Variants in MTHFD2L observed in about 807,000 individuals in gnomAD.
MTHFD2L encodes bifunctional methylenetetrahydrofolate dehydrogenase/cyclohydrolase 2, mitochondrial.
In MTHFD2L, 29 loss-of-function variants were observed where a neutral mutation model predicts 34.9. The ratio of observed to expected loss-of-function variants is 0.83; its 90% CI spans 0.62 to 1.13. MTHFD2L has a LOEUF of 1.13. Ranked by LOEUF, MTHFD2L falls within the 50% of genes most tolerant of loss-of-function variation. MTHFD2L has a pLI of 0.00. For synonymous variants in MTHFD2L, 167 were observed against 155.7 expected (o/e 1.07, Z -0.54); for missense variants, 481 against 446.5 (o/e 1.08, Z -0.70).
chr4:74,173,046 TCTG>T (rs1728334563), intron 1 of MTHFD2L, among the ~76,000 whole-genome samples: 1 of 152,144 alleles, frequency 6.6e-6, no homozygotes. Context: ...CTCTTTCTCT[TCTG>T]CTTCTTACTC....
At chr4:74,280,392 T>C (rs529088782) in intron 6 of MTHFD2L, 1 of 152,236 alleles carries the variant, frequency 6.6e-6, no homozygotes, top group East Asian at 1.9e-4. Context: ...TGTGTTCCAG[T>C]TGACAGCCTT....
chr4:74,224,009 C>T (rs1361229156), intron 5 of MTHFD2L: 3 of 152,044 alleles, frequency 2.0e-5, no homozygotes, highest in African/African-American at 7.2e-5. Flanking sequence ...TATTACTCAT[C>T]ATTGAATGAG....
At chr4:74,145,184 C>A (rs1235345146) in intron 1 of MTHFD2L, among the ~76,000 whole-genome samples, 2 of 150,088 alleles carry the variant, frequency 1.3e-5, no homozygotes, top group Non-Finnish European at 3.0e-5. Context: ...AAACCCAAAT[C>A]ATTCTGTATT....
intron 1 of MTHFD2L, among the ~76,000 whole-genome samples, chr4:74,164,168 G>T (rs1578304031): frequency 6.6e-6 from 1 of 152,194 alleles, no homozygotes; most frequent in Non-Finnish European, 1.5e-5. Context: ...GAGCCACCAT[G>T]CCTGGCCAGG....
intron 3 of MTHFD2L, among the ~76,000 whole-genome samples, chr4:74,178,290 T>C (rs1447767120): frequency 3.9e-5 from 6 of 152,130 alleles, no homozygotes; most frequent in Non-Finnish European, 7.4e-5. Flanking sequence ...TCATAATGTA[T>C]ACATATGTCA....
upstream of MTHFD2L, among the ~76,000 whole-genome samples, chr4:74,156,224 A>T (rs919825332): frequency 6.6e-6 from 1 of 152,140 alleles, no homozygotes; most frequent in African/African-American, 2.4e-5. Flanking sequence ...TCTGTGCTAC[A>T]CACTATTCAA....
chr4:74,209,435 A>G (rs1735923427), intron 5 of MTHFD2L, among the ~76,000 whole-genome samples: 1 of 152,178 alleles, frequency 6.6e-6, no homozygotes, highest in South Asian at 2.1e-4. Context: ...ATGAATGGGA[A>G]CATGTGGTGT....
At chr4:74,214,692 A>G (rs969440734) in intron 5 of MTHFD2L, among the ~76,000 whole-genome samples, 7 of 151,786 alleles carry the variant, frequency 4.6e-5, no homozygotes, top group African/African-American at 1.7e-4. Flanking sequence ...GGGGTCAGGG[A>G]TCCACTTGAG....
intron 6 of MTHFD2L, among the ~76,000 whole-genome samples, chr4:74,242,913 A>G (rs1741922464): frequency 6.6e-6 from 1 of 152,230 alleles, no homozygotes; most frequent in Non-Finnish European, 1.5e-5. Flanking sequence ...GCCAAGTTCT[A>G]ACTACAATTC....
At chr4:74,220,409 A>G (rs1056620476) in intron 5 of MTHFD2L, among the ~76,000 whole-genome samples, 1 of 152,048 alleles carries the variant, frequency 6.6e-6, no homozygotes, top group African/African-American at 2.4e-5. Context: ...TTCCTTTTCA[A>G]AGTTTTCCTA....
chr4:74,251,459 C>A (rs989560896), intron 6 of MTHFD2L, among the ~76,000 whole-genome samples: 1 of 152,212 alleles, frequency 6.6e-6, no homozygotes, highest in Admixed American at 6.5e-5. Context: ...ACATCCTATA[C>A]TCTAATTATC....
intron 3 of MTHFD2L, among the ~76,000 whole-genome samples, chr4:74,192,786 T>C (rs1732780831): frequency 6.6e-6 from 1 of 152,034 alleles, no homozygotes; most frequent in East Asian, 1.9e-4. Context: ...TTATTAAAAA[T>C]ATTATTTATC....
intron 1 of MTHFD2L, among the ~76,000 whole-genome samples, chr4:74,163,950 A>G (rs1005621873): frequency 4.6e-5 from 7 of 152,306 alleles, no homozygotes; most frequent in East Asian, 1.9e-4. Context: ...ATCTTGGCTC[A>G]CTGCAAACTC....
rs78467540 is a variant in MTHFD2L at position 74,147,083 on chromosome 4, G to C, written c.-296-12972G>C. Among the ~76,000 whole-genome samples, 926 of 152,150 alleles carry C rather than the reference G, an allele frequency of 6.1e-3. 11 individuals are homozygous for C. The highest frequency in any genetic ancestry group is 0.021 in the African/African-American group (884 of 41,510). Reference sequence around the variant, plus strand: ...TGAGTTTCCTTAAAAACGGTTCCCTGTTTGCTGTTGTTTCTTGTGGATGTA... The same window carrying C: ...TGAGTTTCCTTAAAAACGGTTCCCTCTTTGCTGTTGTTTCTTGTGGATGTA... On this transcript the variant is annotated intron_variant, in intron 1 of 7. Coordinates refer to the MTHFD2L transcript ENST00000433372.
At chr4:74,260,839 A>G (rs1744590775) in intron 6 of MTHFD2L, among the ~76,000 whole-genome samples, 1 of 152,094 alleles carries the variant, frequency 6.6e-6, no homozygotes, top group African/African-American at 2.4e-5. Context: ...TCAAAATTTT[A>G]AAAATATTAC....
intron 5 of MTHFD2L, among the ~76,000 whole-genome samples, chr4:74,214,239 T>A (rs1736815871): frequency 6.6e-6 from 1 of 151,854 alleles, no homozygotes; most frequent in African/African-American, 2.4e-5. Context: ...CTTCATCTAG[T>A]TTTGTTCCCT....
intron 7 of MTHFD2L, among the ~76,000 whole-genome samples, chr4:74,284,798 T>C (rs1747946546): frequency 6.6e-6 from 1 of 152,120 alleles, no homozygotes; most frequent in African/African-American, 2.4e-5. Flanking sequence ...CTCAGGGATC[T>C]AGAACTAGAA....
intron 1 of MTHFD2L, chr4:74,159,971 A>G (rs1483770542): frequency 1.0e-6 from 1 of 954,256 alleles, no homozygotes; most frequent in Non-Finnish European, 1.3e-6. Flanking sequence ...CAAGGTTGAG[A>G]AACACCTGTG....
At chr4:74,158,728 A>G (rs1724735479) in intron 1 of MTHFD2L, among the ~76,000 whole-genome samples, 1 of 152,022 alleles carries the variant, frequency 6.6e-6, no homozygotes, top group Non-Finnish European at 1.5e-5. Flanking sequence ...GTCTTTTCCA[A>G]CTCTAAAATT....
Sources: allele counts gnomAD v4.1 joint callset (sites outside exome capture counted in the v4.1 genomes callset), GRCh38; gene constraint gnomAD v4.1.1; transcripts MANE v1.5; gene names NCBI Gene and HGNC (gene_info 2026-07-23, HGNC 2026-07-21).